AEBP1: variants seen among roughly 807,000 people sequenced by gnomAD.
AEBP1 encodes the protein AE binding protein 1, also known as adipocyte enhancer-binding protein 1.
In AEBP1, 69 loss-of-function variants were observed where a neutral mutation model predicts 116.5. That is an observed-to-expected ratio of 0.59 (90% CI 0.49 to 0.72). AEBP1 has a LOEUF of 0.72. AEBP1 is among the 30% of genes least tolerant of loss of function. The probability of loss-of-function intolerance (pLI) is 0.00; values close to 1 mark genes in which losing one functional copy is unlikely to be tolerated. For missense variants in AEBP1, 1,444 were observed against 1,557.5 expected (o/e 0.93, Z 1.23); for synonymous variants, 627 against 627.3 (o/e 1.00, Z 0.01).
Position 44,108,567 on chromosome 7 carries a change from A to G in AEBP1, c.941-332A>G, listed in dbSNP as rs1191686428. On this transcript the variant is annotated intron_variant, in intron 6 of 20. Coordinates refer to ENST00000223357, the MANE Select transcript of AEBP1 (RefSeq NM_001129.5). The surrounding 1 kb of genome is among the most constrained non-coding windows in gnomAD (Gnocchi z 5.0). ...CCCCCAGGTCCCCATCAGTGCCTCC[A>G]ATGTCTCCCCATCTCACCCCCCAGC... Among the ~76,000 whole-genome samples, 1 of 151,770 alleles carries G rather than the reference A, an allele frequency of 6.6e-6. No homozygotes were observed. Among genetic ancestry groups the G allele is most frequent in the Non-Finnish European group, 1.5e-5 (1 of 67,914 alleles).
Position 44,111,510 on chromosome 7 carries a change from A to G in AEBP1, c.1720A>G (p.Met574Val), listed in dbSNP as rs2096229391. The G allele has an allele frequency of 6.3e-7, 1 of 1,587,464 alleles. No individual in the cohort carries two copies. Among genetic ancestry groups the G allele is most frequent in the Non-Finnish European group, 8.6e-7 (1 of 1,167,008 alleles). The change falls in exon 15 of 21, where the codon ATG (methionine) becomes GTG (valine). Residue 574 changes from methionine to valine, a missense_variant. Physicochemically the swap from Met to Val is conservative, Grantham distance 21 (BLOSUM62 1). Coordinates refer to ENST00000223357, the MANE Select transcript of AEBP1 (RefSeq NM_001129.5). This position sits in a 1 kb window ranked among gnomAD's most constrained non-coding sequence, Gnocchi z 4.7. ...HHSYKDMRQL[M>V]KVVNEECPTI... ...ACGTCCTCCCCCTCTGCCCCAGCTCATGAAGGTGGTGAACGAGGAGTGCCC... is the reference window on the plus strand; with the variant it reads ...ACGTCCTCCCCCTCTGCCCCAGCTCGTGAAGGTGGTGAACGAGGAGTGCCC...
At position 44,108,472 on chromosome 7, in the gene AEBP1, C is replaced by A. The variant is rs2096225398; in HGVS notation, c.940+388C>A. ...GGCTTTTGCCTCCCTGTTGCTCATG[C>A]CCCTGCGTCCCTGGAGCCCTCAGGT... On this transcript the variant is annotated intron_variant, in intron 6 of 20. Coordinates refer to ENST00000223357, the MANE Select transcript of AEBP1 (RefSeq NM_001129.5). This position sits in a 1 kb window ranked among gnomAD's most constrained non-coding sequence, Gnocchi z 5.0. Among the ~76,000 whole-genome samples the A allele has an allele frequency of 6.6e-6, 1 of 152,084 alleles. No individual in the cohort carries two copies. The highest frequency in any genetic ancestry group is 6.5e-5 in the Admixed American group (1 of 15,280).
chr7:44,112,458 G>A lies in AEBP1; in HGVS notation c.2218-100G>A. 4 of 1,387,596 alleles carry A rather than the reference G, an allele frequency of 2.9e-6. No individual in the cohort carries two copies. The highest frequency in any genetic ancestry group is 4.8e-5 in the Admixed American group (2 of 42,004). The allele number at this position is 1,387,596 out of a possible 1,614,324, so 86.0% of individuals were successfully genotyped here. Reference sequence around the variant, plus strand: ...TCTGGGGGTTGGGGGACAGGGGATCGTGCGAGTACTGGTGTGAAGCTTCAT... The same window carrying A: ...TCTGGGGGTTGGGGGACAGGGGATCATGCGAGTACTGGTGTGAAGCTTCAT... On this transcript the variant is annotated intron_variant, in intron 17 of 20. Transcript: ENST00000223357. The surrounding 1 kb of genome is among the most constrained non-coding windows in gnomAD (Gnocchi z 6.6).
rs1478669597 is a variant in AEBP1 at position 44,113,886 on chromosome 7, G to A, written c.3102G>A (p.Arg1034=). ...QHRLRLRAQM[R]LRRLNATTTL... Reference sequence around the variant, plus strand: ...GCCTGCGGCTTCGGGCACAGATGCGGCTGCGGCGCCTCAACGCCACCACCA... The same window carrying A: ...GCCTGCGGCTTCGGGCACAGATGCGACTGCGGCGCCTCAACGCCACCACCA... Residue 1034 remains arginine, a synonymous_variant, in exon 21 of 21, where the codon CGG becomes CGA. Transcript: ENST00000223357. The surrounding 1 kb of genome is among the most constrained non-coding windows in gnomAD (Gnocchi z 5.3). The A allele has an allele frequency of 4.3e-6, 7 of 1,613,166 alleles. No individual in the cohort carries two copies. In the Admixed American group the frequency reaches 1.2e-4, roughly 27 times the overall value.
At position 44,108,954 on chromosome 7, in the gene AEBP1, A is replaced by C; in HGVS notation, c.996A>C (p.Thr332=). The change falls in exon 7 of 21, where the codon ACA becomes ACC. Residue 332 remains threonine, a synonymous_variant. Transcript: ENST00000223357. This position sits in a 1 kb window ranked among gnomAD's most constrained non-coding sequence, Gnocchi z 5.0. ...AGAAGCCCGATGCTGAGCGCCAGAC[A>C]GACGAAGAGAAGGAGGAGCTGAGTG... ...PPQKPDAERQ[T]DEEKEELKKP... 6.2e-7 allele frequency: 1 copy of C among 1,601,522 alleles called. No homozygotes were observed. Among genetic ancestry groups the C allele is most frequent in the Non-Finnish European group, 8.5e-7 (1 of 1,174,600 alleles).
intron 11 of AEBP1, 59 bp downstream of exon 11, chr7:44,110,405 T>A: frequency 6.2e-7 from 1 of 1,610,328 alleles, no homozygotes; most frequent in Non-Finnish European, 8.5e-7. Context: ...GGCATGGCTC[T>A]GTGTCCCATT....
In AEBP1 at chr7:44,109,112, C is replaced by A. The variant is rs747456923; in HGVS notation, c.1024C>A (p.Pro342Thr). The A allele has an allele frequency of 6.2e-7, 1 of 1,613,562 alleles. No individual in the cohort carries two copies. Among genetic ancestry groups the A allele is most frequent in the Non-Finnish European group, 8.5e-7 (1 of 1,179,994 alleles). The change falls in exon 8 of 21, where the codon CCC (proline) becomes ACC (threonine). Residue 342 changes from proline (P) to threonine (T), a missense_variant. Physicochemically the swap from Pro to Thr is conservative, Grantham distance 38 (BLOSUM62 -1). Coordinates refer to ENST00000223357, the MANE Select transcript of AEBP1 (RefSeq NM_001129.5). ...TDEEKEELKK[P>T]KKEDSSPKEE... ...TCCTACCTTGCACCTTCCAGAGAAA[C>A]CCAAAAAGGAGGACAGCAGCCCCAA...
chr7:44,107,597 T>C lies in AEBP1; in HGVS notation c.668-32T>C, dbSNP rs771439583. The C allele has an allele frequency of 6.2e-7, 1 of 1,612,978 alleles. No individual in the cohort carries two copies. Among genetic ancestry groups the C allele is most frequent in the South Asian group, 1.1e-5 (1 of 91,056 alleles). On this transcript the variant is annotated intron_variant, in intron 3 of 20. Coordinates refer to ENST00000223357, the MANE Select transcript of AEBP1 (RefSeq NM_001129.5). This position sits in a 1 kb window ranked among gnomAD's most constrained non-coding sequence, Gnocchi z 4.3. Reference sequence around the variant, plus strand: ...TTCCCCAGAGTAGGCCTGGGTGGGGTTGTCAGGCAGCTACCAGCGCTTTCC... The same window carrying C: ...TTCCCCAGAGTAGGCCTGGGTGGGGCTGTCAGGCAGCTACCAGCGCTTTCC...
intron 11 of AEBP1, 135 bp downstream of exon 11, chr7:44,110,481 C>A: frequency 7.5e-7 from 1 of 1,333,612 alleles, no homozygotes; most frequent in Non-Finnish European, 1.0e-6. Context: ...GTGAGGGACT[C>A]ACCCTGCCCA....
In AEBP1 at chr7:44,114,497, G is replaced by A; in HGVS notation, c.*236G>A. On this transcript the variant is annotated 3_prime_UTR_variant, in exon 21 of 21. Coordinates refer to ENST00000223357, the MANE Select transcript of AEBP1 (RefSeq NM_001129.5). ...CAGTCTCGTAAGAGATGGGGTTGCT[G>A]CAGTGTTGGAGTAGGGGCAGAGGGA... 1.6e-6 allele frequency: 1 copy of A among 631,454 alleles called. No homozygotes were observed. The highest frequency in any genetic ancestry group is 2.7e-6 in the Non-Finnish European group (1 of 367,076). 39.1% of individuals were successfully genotyped at this position (631,454 alleles called of 1,614,324 possible). A position where few individuals can be genotyped will look rare whatever the true frequency, so the allele number is the denominator to read the frequency against.
At position 44,111,055 on chromosome 7, in the gene AEBP1, C is replaced by T; in HGVS notation, c.1628C>T (p.Ala543Val). 6.2e-7 allele frequency: 1 copy of T among 1,607,884 alleles called. No homozygotes were observed. Among genetic ancestry groups the T allele is most frequent in the South Asian group, 1.1e-5 (1 of 90,268 alleles). ...MRLEVLGCSVAPVYSYYAQNE... is the reference protein window; with the variant it reads ...MRLEVLGCSVVPVYSYYAQNE... ...CTGGAGGTGCTGGGGTGCTCTGTGG[C>T]CCGTGAGTGTGGAGGGCTGGCAGGG... The change falls in exon 13 of 21, where the codon GCC (alanine) becomes GTC (valine). Residue 543 changes from alanine to valine, a missense_variant and splice_region_variant. Physicochemically the swap from Ala to Val is moderately conservative, Grantham distance 64. Coordinates refer to ENST00000223357, the MANE Select transcript of AEBP1 (RefSeq NM_001129.5). The surrounding 1 kb of genome is among the most constrained non-coding windows in gnomAD (Gnocchi z 4.7).
In AEBP1 at chr7:44,112,986, G is replaced by A. The variant is rs532718716; in HGVS notation, c.2570-5G>A. The A allele has an allele frequency of 8.2e-5, 133 of 1,614,064 alleles. 2 individuals are homozygous for A. The South Asian group carries it at 1.4e-3, about 17-fold the overall frequency. On this transcript the variant is annotated splice_polypyrimidine_tract_variant and splice_region_variant and intron_variant, in intron 18 of 20. Coordinates refer to ENST00000223357, the MANE Select transcript of AEBP1 (RefSeq NM_001129.5). This position sits in a 1 kb window ranked among gnomAD's most constrained non-coding sequence, Gnocchi z 6.6. ...GACTTTGGGTCTGTATCTGTCCCCG[G>A]CCAGCTATCAATGACTTCAGTTACC...
rs377008639 is a variant in AEBP1, at chr7:44,112,725, G to A, written c.2385G>A (p.Glu795=). The A allele has an allele frequency of 1.2e-6, 2 of 1,613,290 alleles. No homozygotes were observed. The highest frequency in any genetic ancestry group is 1.1e-5 in the South Asian group (1 of 91,084). The change falls in exon 18 of 21, where the codon GAG becomes GAA. Residue 795 remains glutamate (E), a synonymous_variant. Transcript: ENST00000223357. This position sits in a 1 kb window ranked among gnomAD's most constrained non-coding sequence, Gnocchi z 6.6. The part of the protein sequence containing the change: ...LAAAMAAARG[E]DEDEVSEAQE... ...CAGCCATGGCAGCAGCCCGGGGGGAGGATGAGGACGAGGTCTCCGAGGCCC... is the reference window on the plus strand; with the variant it reads ...CAGCCATGGCAGCAGCCCGGGGGGAAGATGAGGACGAGGTCTCCGAGGCCC...
In AEBP1 at chr7:44,111,843, C is replaced by A; in HGVS notation, c.1841-11C>A. On this transcript the variant is annotated splice_polypyrimidine_tract_variant and intron_variant, in intron 15 of 20. Coordinates refer to ENST00000223357, the MANE Select transcript of AEBP1 (RefSeq NM_001129.5). This position sits in a 1 kb window ranked among gnomAD's most constrained non-coding sequence, Gnocchi z 4.7. The stretch of plus-strand genomic sequence containing the variant: ...GAGACTGAGTGCTCACTGAGGCTCC[C>A]GCCCTTGCAGGGGAGCCCGAGTTCC... The A allele has an allele frequency of 6.2e-7, 1 of 1,609,914 alleles. No individual in the cohort carries two copies. Among genetic ancestry groups the A allele is most frequent in the Non-Finnish European group, 8.5e-7 (1 of 1,178,328 alleles).
Position 44,113,435 on chromosome 7 carries a change from G to A in AEBP1, c.2809+84G>A, listed in dbSNP as rs1053202187. 185 of 1,486,764 alleles carry A rather than the reference G, an allele frequency of 1.2e-4. 3 individuals are homozygous for A. The South Asian group carries it at 1.4e-3, about 11-fold the overall frequency. 92.1% of individuals were successfully genotyped at this position (1,486,764 alleles called of 1,614,324 possible). ...GGGGGCTTGAGGAACTCAGCGAGCA[G>A]GTAGAGTCTGGGGAGCCTGGGGGCG... On this transcript the variant is annotated intron_variant, in intron 20 of 20. Coordinates refer to ENST00000223357, the MANE Select transcript of AEBP1 (RefSeq NM_001129.5). This position sits in a 1 kb window ranked among gnomAD's most constrained non-coding sequence, Gnocchi z 5.3.
chr7:44,106,365 A>C, intron 1 of AEBP1, 181 bp from the exon 2 acceptor site: 1 of 749,174 alleles, frequency 1.3e-6, no homozygotes, highest in Admixed American at 2.1e-5. Context: ...ACTTGCAGAC[A>C]GAAAATCTGG....
In AEBP1 at chr7:44,113,855, A is replaced by G. The variant is rs1170971388; in HGVS notation, c.3071A>G (p.Gln1024Arg). 11 of 1,613,666 alleles carry G rather than the reference A, an allele frequency of 6.8e-6. No individual in the cohort carries two copies. Among genetic ancestry groups the G allele is most frequent in the African/African-American group, 2.7e-5 (2 of 74,886 alleles). The stretch of plus-strand genomic sequence containing the variant: ...CGACGCCTGCAGCAGCGACGCCTAC[A>G]ACACCGCCTGCGGCTTCGGGCACAG... ...QQRRLQQRRL[Q>R]HRLRLRAQMR... is the part of the protein sequence containing the mutation. Residue 1024 changes from glutamine to arginine, a missense_variant, in exon 21 of 21, where the codon CAA (glutamine) becomes CGA (arginine). Gln to Arg is a conservative substitution (Grantham distance 43, BLOSUM62 1). Transcript: ENST00000223357. This position sits in a 1 kb window ranked among gnomAD's most constrained non-coding sequence, Gnocchi z 5.3.
In AEBP1 at chr7:44,113,821, C is replaced by G. The variant is rs769951739; in HGVS notation, c.3037C>G (p.Pro1013Ala). Reference sequence around the variant, plus strand: ...CATAGACCCATCGCGCCCTATGACCCCCCAACAGCGACGCCTGCAGCAGCG... The same window carrying G: ...CATAGACCCATCGCGCCCTATGACCGCCCAACAGCGACGCCTGCAGCAGCG... ...PHIDPSRPMT[P>A]QQRRLQQRRL... is the part of the protein sequence containing the mutation. The change falls in exon 21 of 21, where the codon CCC becomes GCC. Residue 1013 changes from proline (P) to alanine (A), a missense_variant. Physicochemically the swap from Pro to Ala is conservative, Grantham distance 27. Transcript: ENST00000223357. This position sits in a 1 kb window ranked among gnomAD's most constrained non-coding sequence, Gnocchi z 5.3. The G allele has an allele frequency of 6.2e-7, 1 of 1,614,040 alleles. No homozygotes were observed. Among genetic ancestry groups the G allele is most frequent in the African/African-American group, 1.3e-5 (1 of 75,030 alleles).
chr7:44,107,595 G>T lies in AEBP1; in HGVS notation c.668-34G>T. On this transcript the variant is annotated intron_variant, in intron 3 of 20. Coordinates refer to ENST00000223357, the MANE Select transcript of AEBP1 (RefSeq NM_001129.5). The surrounding 1 kb of genome is among the most constrained non-coding windows in gnomAD (Gnocchi z 4.3). ...GCTTCCCCAGAGTAGGCCTGGGTGG[G>T]GTTGTCAGGCAGCTACCAGCGCTTT... The T allele has an allele frequency of 6.2e-7, 1 of 1,613,434 alleles. No individual in the cohort carries two copies. The highest frequency in any genetic ancestry group is 8.5e-7 in the Non-Finnish European group (1 of 1,179,874).
Sources: allele counts gnomAD v4.1 joint callset (sites outside exome capture counted in the v4.1 genomes callset), GRCh38; gene constraint gnomAD v4.1.1; non-coding constraint Gnocchi (gnomAD v3.1); transcripts MANE v1.5; gene names NCBI Gene and HGNC (gene_info 2026-07-23, HGNC 2026-07-21).